NAV2: variants seen among roughly 807,000 people sequenced by gnomAD.
NAV2 encodes neuron navigator 2.
NAV2 carries 54 observed loss-of-function variants against 223.2 expected under a neutral mutation model. That is an observed-to-expected ratio of 0.24 (90% CI 0.19 to 0.30). The LOEUF is 0.30. Among genes scored for constraint, NAV2 ranks in the 10% least tolerant of loss-of-function variants. The pLI is 1.00. For missense variants in NAV2, 2,806 were observed against 3,147.5 expected, an observed-to-expected ratio of 0.89 and a Z score of 2.60; for synonymous variants, 1,279 against 1,239.3, an observed-to-expected ratio of 1.03 and a Z score of -0.67.
chr11:20,033,259 A>C (rs2055968755), intron 11 of NAV2, among the ~76,000 whole-genome samples: 1 of 152,258 alleles, frequency 6.6e-6, no homozygotes, highest in Non-Finnish European at 1.5e-5. Flanking sequence ...ATATATTTAA[A>C]GTACCCAGCA....
At chr11:20,010,705 A>T (rs2053494995) in intron 11 of NAV2, among the ~76,000 whole-genome samples, 1 of 152,172 alleles carries the variant, frequency 6.6e-6, no homozygotes, top group Non-Finnish European at 1.5e-5. Context: ...TCTGGGCTCA[A>T]ACCTCCTAGT....
At chr11:19,656,225 AGGGAGAAGAGCTGCAGGAGGCGCTCT>A (rs1261390253) in intron 1 of NAV2, among the ~76,000 whole-genome samples, 2 of 152,220 alleles carry the variant, frequency 1.3e-5, no homozygotes, top group Non-Finnish European at 2.9e-5. Context: ...CACCATTACC[AGGGAGAAGAGCTGCAGGAGGCGCTCT>A]GGGGCCAATT....
intron 1 of NAV2, among the ~76,000 whole-genome samples, chr11:19,821,116 C>T (rs377758801): frequency 6.6e-6 from 1 of 151,952 alleles, no homozygotes; most frequent in Non-Finnish European, 1.5e-5. Flanking sequence ...TAAAAAATTA[C>T]CCAGGCGTGG....
intron 1 of NAV2, among the ~76,000 whole-genome samples, chr11:19,458,430 G>C (rs1456267691): frequency 1.3e-5 from 2 of 152,236 alleles, no homozygotes; most frequent in Non-Finnish European, 2.9e-5. Context: ...TGTGAAATAT[G>C]ATAAAGTCTA....
At position 19,879,857 on chromosome 11, in the gene NAV2, A is replaced by G. The variant is rs745423503; in HGVS notation, c.512-12A>G. 1.9e-6 allele frequency: 3 copies of G among 1,613,904 alleles called. No homozygotes were observed. The South Asian group carries it at 3.3e-5, about 18-fold the overall frequency. ...CTCCCCATCTGACAAGAGTCTCTTT[A>G]TTGTCTTGCAGAGATCAGGAATGGA... On this transcript the variant is annotated splice_polypyrimidine_tract_variant and intron_variant, in intron 4 of 37. Coordinates refer to ENST00000349880, the MANE Select transcript of NAV2 (RefSeq NM_145117.5).
At chr11:19,608,630 T>C (rs998824416) in intron 1 of NAV2, among the ~76,000 whole-genome samples, 1 of 152,262 alleles carries the variant, frequency 6.6e-6, no homozygotes. Flanking sequence ...CACACACAAG[T>C]ACTCCCATAA....
intron 1 of NAV2, among the ~76,000 whole-genome samples, chr11:19,751,908 T>G (rs911664737): frequency 2.0e-5 from 3 of 152,118 alleles, no homozygotes; most frequent in Non-Finnish European, 4.4e-5. Context: ...GGTGGTCAAC[T>G]ACTAGCTCAC....
At chr11:19,840,728 ATAGC>A (rs1333579671) in intron 2 of NAV2, among the ~76,000 whole-genome samples, 6 of 152,162 alleles carry the variant, frequency 3.9e-5, no homozygotes, top group African/African-American at 1.4e-4. Flanking sequence ...AAATGGAAGG[ATAGC>A]TGCCTGAAAA....
At chr11:19,465,010 G>T (rs1170980689) in intron 1 of NAV2, among the ~76,000 whole-genome samples, 1 of 152,174 alleles carries the variant, frequency 6.6e-6, no homozygotes, top group Admixed American at 6.5e-5. Context: ...GGGCTCTTTT[G>T]TGAGCTAGCC....
intron 1 of NAV2, among the ~76,000 whole-genome samples, chr11:19,370,395 A>G (rs935225464): frequency 7.2e-5 from 11 of 152,356 alleles, no homozygotes; most frequent in African/African-American, 2.4e-4. Context: ...CAAATTCCAC[A>G]GCAGAGACTT....
intron 1 of NAV2, among the ~76,000 whole-genome samples, chr11:19,455,321 G>T (rs188941175): frequency 6.6e-6 from 1 of 152,264 alleles, no homozygotes; most frequent in Admixed American, 6.5e-5. Context: ...GACCAGCTTG[G>T]AGTCTGTTTA....
chr11:19,766,708 A>T (rs111674571), intron 1 of NAV2, among the ~76,000 whole-genome samples: 2,468 of 151,990 alleles, frequency 0.016, 73 homozygotes, highest in African/African-American at 0.057. Flanking sequence ...GAAGCCTCCT[A>T]CTCCTGGGAT....
intron 1 of NAV2, among the ~76,000 whole-genome samples, chr11:19,753,330 C>G (rs1366385724): frequency 1.3e-5 from 2 of 152,112 alleles, no homozygotes; most frequent in Non-Finnish European, 2.9e-5. Flanking sequence ...CCCCTCAAGC[C>G]TCTTTATCTT....
chr11:19,601,804 A>G (rs1487879791), intron 1 of NAV2, among the ~76,000 whole-genome samples: 1 of 152,200 alleles, frequency 6.6e-6, no homozygotes, highest in Non-Finnish European at 1.5e-5. Context: ...AGGAAAATAA[A>G]CTTGCTCAAG....
intron 1 of NAV2, among the ~76,000 whole-genome samples, chr11:19,758,894 C>G (rs2054479312): frequency 1.3e-5 from 2 of 152,164 alleles, no homozygotes; most frequent in South Asian, 4.2e-4. Flanking sequence ...TTTCCACAAC[C>G]CCCAGGAGGT....
At chr11:19,938,890 A>T (rs1251331576) in intron 7 of NAV2, among the ~76,000 whole-genome samples, 1 of 152,214 alleles carries the variant, frequency 6.6e-6, no homozygotes. Context: ...AGGTAGTGAA[A>T]TCGGTTGAAT....
At chr11:19,463,273 G>A (rs1418127644) in intron 1 of NAV2, among the ~76,000 whole-genome samples, 1 of 152,218 alleles carries the variant, frequency 6.6e-6, no homozygotes, top group African/African-American at 2.4e-5. Context: ...TATTTATCAA[G>A]CACCTACTAT....
At chr11:19,541,596 G>C (rs981472590) in intron 1 of NAV2, among the ~76,000 whole-genome samples, 1 of 152,172 alleles carries the variant, frequency 6.6e-6, no homozygotes, top group African/African-American at 2.4e-5. Flanking sequence ...CCCACACAGG[G>C]GATGTACTCA....
chr11:19,610,750 A>C (rs2046615933), intron 1 of NAV2, among the ~76,000 whole-genome samples: 1 of 151,816 alleles, frequency 6.6e-6, no homozygotes, highest in South Asian at 2.1e-4. Flanking sequence ...GGATGGATGG[A>C]TGGAGCAGTG....
Sources: allele counts gnomAD v4.1 joint callset (sites outside exome capture counted in the v4.1 genomes callset), GRCh38; gene constraint gnomAD v4.1.1; transcripts MANE v1.5; gene names NCBI Gene and HGNC (gene_info 2026-07-23, HGNC 2026-07-21).